Variants in NEO1 observed in about 807,000 individuals in gnomAD.
The protein encoded by NEO1 is neogenin.
Under a neutral mutation model 159.7 loss-of-function variants are expected in NEO1, and 63 were observed. The observed-to-expected ratio is 0.39, with a 90% CI of 0.32 to 0.49. The LOEUF (loss-of-function observed/expected upper bound fraction) is 0.49. Ranked by LOEUF, NEO1 falls within the 20% of genes least tolerant of loss-of-function variation. The pLI is 0.85. For synonymous variants in NEO1, 633 were observed against 662.0 expected (o/e 0.96, Z 0.67); for missense variants, 1,615 against 1,831.0 (o/e 0.88, Z 2.15).
At chr15:73,174,165 A>G (rs2151944549) in intron 5 of NEO1, among the ~76,000 whole-genome samples, 1 of 152,336 alleles carries the variant, frequency 6.6e-6, no homozygotes, top group Non-Finnish European at 1.5e-5. Context: ...AGGACATTAA[A>G]GAATACAAAA....
chr15:73,278,344 C>A, intron 22 of NEO1, 145 bp downstream of exon 22: 1 of 605,942 alleles, frequency 1.7e-6, no homozygotes, highest in South Asian at 2.8e-5. Flanking sequence ...AAGTGTTTGC[C>A]AAATCACTCC....
intron 1 of NEO1, among the ~76,000 whole-genome samples, chr15:73,080,627 A>G (rs1380722255): frequency 6.6e-6 from 1 of 151,874 alleles, no homozygotes; most frequent in African/African-American, 2.4e-5. Flanking sequence ...GTTGATTTCT[A>G]ATTGTGGCCG....
At chr15:73,254,997 A>T (rs1259834712) in intron 13 of NEO1, among the ~76,000 whole-genome samples, 168 bp downstream of exon 13, 1 of 152,210 alleles carries the variant, frequency 6.6e-6, no homozygotes, top group Non-Finnish European at 1.5e-5. Context: ...GATTAATGGA[A>T]AACACTCTTA....
intron 25 of NEO1, 135 bp downstream of exon 25, chr15:73,289,373 A>C (rs2042074691): frequency 8.1e-6 from 6 of 742,892 alleles, no homozygotes; most frequent in Non-Finnish European, 1.1e-5. Flanking sequence ...ACCTTGAAGG[A>C]GGAAGTACCA....
intron 1 of NEO1, among the ~76,000 whole-genome samples, chr15:73,094,462 A>G (rs1015153663): frequency 2.0e-5 from 3 of 152,236 alleles, no homozygotes; most frequent in African/African-American, 7.2e-5. Flanking sequence ...TATAATCATT[A>G]GTTGAAGGAC....
chr15:73,260,205 C>T, intron 14 of NEO1, 66 bp from the exon 15 acceptor site: 17 of 1,459,578 alleles, frequency 1.2e-5, no homozygotes, highest in Non-Finnish European at 1.6e-5. Context: ...ACACCATTCC[C>T]CAAGGATGGT....
At chr15:73,280,443 A>G (rs1389219506) in intron 22 of NEO1, among the ~76,000 whole-genome samples, 1 of 152,228 alleles carries the variant, frequency 6.6e-6, no homozygotes, top group African/African-American at 2.4e-5. Context: ...AGATGCGAGT[A>G]AATGAGAATT....
chr15:73,228,461 A>T, intron 7 of NEO1, among the ~76,000 whole-genome samples: 1 of 145,282 alleles, frequency 6.9e-6, no homozygotes, highest in South Asian at 2.1e-4. Flanking sequence ...TATTTTGGGT[A>T]TAAGTTTTTT....
At chr15:73,221,239 C>T (rs1040587015) in intron 7 of NEO1, among the ~76,000 whole-genome samples, 9 of 152,300 alleles carry the variant, frequency 5.9e-5, no homozygotes, top group Admixed American at 2.6e-4. Flanking sequence ...TGCAGAACAG[C>T]GGTTTTTCGT....
chr15:73,053,952 G>A (rs754766109), intron 1 of NEO1, among the ~76,000 whole-genome samples: 3 of 152,236 alleles, frequency 2.0e-5, no homozygotes, highest in African/African-American at 7.2e-5. Context: ...TCCTTGCAGA[G>A]TGTGTATGTA....
intron 7 of NEO1, among the ~76,000 whole-genome samples, chr15:73,223,765 G>A (rs921265372): frequency 8.5e-5 from 13 of 152,256 alleles, no homozygotes; most frequent in African/African-American, 2.9e-4. Flanking sequence ...GAGCATTTAG[G>A]CCATTTACAT....
At chr15:73,190,824 A>T (rs1009554184) in intron 7 of NEO1, among the ~76,000 whole-genome samples, 1 of 152,014 alleles carries the variant, frequency 6.6e-6, no homozygotes, top group Non-Finnish European at 1.5e-5. Context: ...TAAAGACTGA[A>T]TATGTATCTG....
At chr15:73,052,211 G>A (rs2067467311), upstream of NEO1, among the ~76,000 whole-genome samples, 1 of 148,552 alleles carries the variant, frequency 6.7e-6, no homozygotes, top group Admixed American at 6.7e-5. Context: ...GCGGCAGCCG[G>A]GATTGGAGCG....
chr15:73,146,629 T>C (rs1211955963), intron 5 of NEO1, among the ~76,000 whole-genome samples: 1 of 152,232 alleles, frequency 6.6e-6, no homozygotes, highest in Admixed American at 6.5e-5. Flanking sequence ...TATGTAAATT[T>C]ATTCTGAACC....
intron 1 of NEO1, among the ~76,000 whole-genome samples, chr15:73,105,430 A>G (rs1362714256): frequency 6.6e-6 from 1 of 152,218 alleles, no homozygotes; most frequent in East Asian, 1.9e-4. Context: ...TAATATTGTA[A>G]AAGTATCTAG....
In NEO1 at chr15:73,270,139, C is replaced by G; in HGVS notation, c.2624C>G (p.Ala875Gly). 1 of 1,614,162 alleles carries G rather than the reference C, an allele frequency of 6.2e-7. No individual in the cohort carries two copies. Among genetic ancestry groups the G allele is most frequent in the Non-Finnish European group, 8.5e-7 (1 of 1,180,046 alleles). ...LSHDTIRITW[A>G]DNSLPKHQKI... ...CATGACACCATCAGGATTACGTGGG[C>G]AGACAACTCGCTGCCCAAGCACCAG... The change falls in exon 17 of 29, where the codon GCA becomes GGA. Residue 875 changes from alanine to glycine, a missense_variant. Physicochemically the swap from Ala to Gly is moderately conservative, Grantham distance 60. Around this residue, in one of 3 missense-constraint regions of NEO1, gnomAD observed 1,018 missense variants for 1,115.4 expected, o/e 0.91. Coordinates refer to ENST00000261908, the MANE Select transcript of NEO1 (RefSeq NM_002499.4).
At chr15:73,278,016 C>A in intron 21 of NEO1, 115 bp from the exon 22 acceptor site, 1 of 818,054 alleles carries the variant, frequency 1.2e-6, no homozygotes, top group Non-Finnish European at 1.9e-6. Flanking sequence ...TTTATTTTCT[C>A]ATGGACAGAA....
At chr15:73,159,676 T>C (rs2034031064) in intron 5 of NEO1, among the ~76,000 whole-genome samples, 1 of 152,168 alleles carries the variant, frequency 6.6e-6, no homozygotes, top group Non-Finnish European at 1.5e-5. Context: ...TGATGGACTG[T>C]GGTTAAAATA....
At chr15:73,224,748 T>C (rs755943713) in intron 7 of NEO1, among the ~76,000 whole-genome samples, 1 of 152,224 alleles carries the variant, frequency 6.6e-6, no homozygotes, top group Non-Finnish European at 1.5e-5. Flanking sequence ...GAGCTTCACC[T>C]TTCTCTGGTG....
Sources: gnomAD v4.1 joint callset for allele counts (sites outside exome capture counted in the v4.1 genomes callset) on GRCh38, gnomAD v4.1.1 for gene constraint, gnomAD v4.1.1 regional missense constraint, MANE v1.5 for transcripts, NCBI Gene and HGNC (gene_info 2026-07-23, HGNC 2026-07-21) for gene names.